Variants in ANKRD12 observed in about 807,000 individuals in gnomAD.
ANKRD12 encodes ankyrin repeat domain 12.
In ANKRD12, 85 loss-of-function variants were observed where a neutral mutation model predicts 183.4. The observed-to-expected ratio is 0.46, with a 90% CI of 0.39 to 0.56. ANKRD12 has a LOEUF of 0.56. Among genes scored for constraint, ANKRD12 ranks in the 20% least tolerant of loss-of-function variants. ANKRD12 has a pLI of 0.00. For synonymous variants in ANKRD12, 914 were observed against 800.2 expected (o/e 1.14, Z -2.40); for missense variants, 2,405 against 2,357.1 (o/e 1.02, Z -0.42).
At chr18:9,226,218 G>C in intron 8 of ANKRD12, among the ~76,000 whole-genome samples, 1 of 152,142 alleles carries the variant, frequency 6.6e-6, no homozygotes, top group Non-Finnish European at 1.5e-5. Context: ...GAGGTCAGGA[G>C]TTCAAGACTA....
chr18:9,205,699 A>G (rs968338099), intron 4 of ANKRD12, among the ~76,000 whole-genome samples: 5 of 152,162 alleles, frequency 3.3e-5, no homozygotes, highest in African/African-American at 9.6e-5. Flanking sequence ...CAGACATTCA[A>G]TTGGAGATTC....
intron 2 of ANKRD12, among the ~76,000 whole-genome samples, chr18:9,191,479 GT>G (rs531959407): frequency 1.4e-4 from 21 of 149,150 alleles, no homozygotes; most frequent in Admixed American, 6.0e-4. Context: ...TATCACATAG[GT>G]TTTTTTTTTA....
chr18:9,218,489 A>G (rs1251185950), intron 7 of ANKRD12, among the ~76,000 whole-genome samples: 7 of 152,152 alleles, frequency 4.6e-5, no homozygotes, highest in Non-Finnish European at 1.0e-4. Flanking sequence ...TCTTTCAGTA[A>G]TAGTCATGAC....
At chr18:9,189,807 C>A (rs1248994264) in intron 2 of ANKRD12, among the ~76,000 whole-genome samples, 1 of 152,186 alleles carries the variant, frequency 6.6e-6, no homozygotes, top group Admixed American at 6.5e-5. Context: ...TATTACTGCT[C>A]ATTGACAACA....
chr18:9,139,773 A>G (rs529533693), intron 1 of ANKRD12, among the ~76,000 whole-genome samples: 7 of 152,308 alleles, frequency 4.6e-5, no homozygotes, highest in South Asian at 4.1e-4. Flanking sequence ...TAAAGGGTGC[A>G]GTGTTGAGAT....
chr18:9,261,031 T>C (rs1437708295), intron 9 of ANKRD12, among the ~76,000 whole-genome samples: 1 of 152,146 alleles, frequency 6.6e-6, no homozygotes, highest in Non-Finnish European at 1.5e-5. Flanking sequence ...TCTGAGGTGT[T>C]CCTTCTTGTT....
In ANKRD12 at chr18:9,200,852, G is replaced by C. The variant is rs1243346279; in HGVS notation, c.236-3624G>C. On this transcript the variant is annotated intron_variant, in intron 3 of 12. Transcript: ENST00000262126. ...TAGGCAGTACAGGGTTGGCATAGCA[G>C]TTCAGTAATGCCATCAGGCACTGAT... is the stretch of plus-strand genomic sequence containing the variant. 4.6e-5 allele frequency among the ~76,000 whole-genome samples: 7 copies of C among 152,332 alleles called. 1 individual carries two copies. The highest frequency in any genetic ancestry group is 1.4e-4 in the African/African-American group (6 of 41,570).
intron 8 of ANKRD12, among the ~76,000 whole-genome samples, chr18:9,248,298 AT>A (rs2038083164): frequency 6.6e-6 from 1 of 152,202 alleles, no homozygotes; most frequent in Admixed American, 6.5e-5. Context: ...CTTTTGAAAC[AT>A]TTGTGGCACT....
At chr18:9,251,365 A>T (rs191712583) in intron 8 of ANKRD12, among the ~76,000 whole-genome samples, 2 of 152,362 alleles carry the variant, frequency 1.3e-5, no homozygotes, top group East Asian at 3.9e-4. Context: ...GAGAATTCAA[A>T]TACATTTTCA....
At chr18:9,216,708 A>G (rs1181248094) in intron 6 of ANKRD12, 50 bp from the exon 7 acceptor site, 5 of 1,587,822 alleles carry the variant, frequency 3.1e-6, no homozygotes, top group Non-Finnish European at 4.3e-6. Context: ...AAAAGCATAT[A>G]TTTTGAAGTA....
In ANKRD12 at chr18:9,258,947, A is replaced by C; in HGVS notation, c.5664+16A>C. Reference sequence around the variant, plus strand: ...TATTCCCACAGTAAGTAACATCATCACTTGCTATACACCTGTAACACTGCC... The same window carrying C: ...TATTCCCACAGTAAGTAACATCATCCCTTGCTATACACCTGTAACACTGCC... On this transcript the variant is annotated intron_variant, in intron 9 of 12. Transcript: ENST00000262126. The C allele has an allele frequency of 6.3e-7, 1 of 1,586,618 alleles. No individual in the cohort carries two copies. The highest frequency in any genetic ancestry group is 1.3e-5 in the African/African-American group (1 of 74,080).
intron 9 of ANKRD12, 117 bp downstream of exon 9, chr18:9,259,048 G>A: frequency 8.5e-7 from 1 of 1,181,236 alleles, no homozygotes; most frequent in Non-Finnish European, 1.2e-6. Flanking sequence ...AAAATAATCT[G>A]TCAGTGAGTC....
chr18:9,280,510 CG>C (rs2040061741), intron 12 of ANKRD12, among the ~76,000 whole-genome samples: 1 of 152,234 alleles, frequency 6.6e-6, no homozygotes, highest in East Asian at 1.9e-4. Flanking sequence ...ACTTGTAGGC[CG>C]GGTGTGGCAG....
At chr18:9,241,329 A>T (rs1347378588) in intron 8 of ANKRD12, among the ~76,000 whole-genome samples, 1 of 152,194 alleles carries the variant, frequency 6.6e-6, no homozygotes, top group African/African-American at 2.4e-5. Flanking sequence ...TTTAACATGT[A>T]GTTAAAATGT....
chr18:9,275,138 C>G (rs1291379381), intron 10 of ANKRD12, among the ~76,000 whole-genome samples: 6 of 152,096 alleles, frequency 3.9e-5, no homozygotes, highest in Non-Finnish European at 7.3e-5. Flanking sequence ...TTACAGTGAA[C>G]TAGGATCATG....
intron 2 of ANKRD12, among the ~76,000 whole-genome samples, chr18:9,193,312 A>T (rs1842649136): frequency 6.6e-6 from 1 of 151,402 alleles, no homozygotes; most frequent in Non-Finnish European, 1.5e-5. Context: ...CTAATTTTTA[A>T]ATTTTTTTAC....
intron 8 of ANKRD12, among the ~76,000 whole-genome samples, chr18:9,230,489 T>G (rs1196395506): frequency 2.6e-5 from 4 of 152,302 alleles, no homozygotes; most frequent in Admixed American, 1.3e-4. Context: ...TTATTTCTTC[T>G]GCTAGCATGA....
intron 1 of ANKRD12, among the ~76,000 whole-genome samples, chr18:9,165,868 C>CCCG (rs1555711675): frequency 7.7e-6 from 1 of 129,830 alleles, no homozygotes; most frequent in African/African-American, 2.9e-5. Context: ...ATCCCTCCCC[C>CCCG]CCTCCCCCCA....
At chr18:9,193,553 T>C (rs1250798416) in intron 2 of ANKRD12, among the ~76,000 whole-genome samples, 2 of 152,134 alleles carry the variant, frequency 1.3e-5, no homozygotes, top group Non-Finnish European at 2.9e-5. Context: ...TTCTCTGTTT[T>C]TCATTATTAA....
Sources: gnomAD v4.1 joint callset for allele counts (sites outside exome capture counted in the v4.1 genomes callset) on GRCh38, gnomAD v4.1.1 for gene constraint, MANE v1.5 for transcripts, NCBI Gene and HGNC (gene_info 2026-07-23, HGNC 2026-07-21) for gene names.